PRSS41: variants seen among roughly 807,000 people sequenced by gnomAD.
The protein encoded by PRSS41 is serine protease 41.
PRSS41 carries 37 observed loss-of-function variants against 28.8 expected under a neutral mutation model. The observed-to-expected ratio is 1.29, with a 90% CI of 0.99 to 1.69. PRSS41 has a LOEUF of 1.69. Among genes scored for constraint, PRSS41 ranks in the 40% most tolerant of loss-of-function variants. The probability of loss-of-function intolerance (pLI) is 0.00; values close to 1 mark genes in which losing one functional copy is unlikely to be tolerated. For missense variants in PRSS41, 431 were observed against 400.7 expected (o/e 1.08, Z -0.65); for synonymous variants, 195 against 163.1 (o/e 1.20, Z -1.49).
At chr16:2,803,464 C>T (rs2069002545) in intron 4 of PRSS41, among the ~76,000 whole-genome samples, 1 of 152,146 alleles carries the variant, frequency 6.6e-6, no homozygotes, top group African/African-American at 2.4e-5. Context: ...TCCATTCCTC[C>T]ACTTTATGTT....
intron 4 of PRSS41, among the ~76,000 whole-genome samples, chr16:2,801,899 ACTTCCCAGTAGGGGCGGCCGGGCAGAGGC>A (rs1213024618): frequency 2.9e-4 from 44 of 151,766 alleles, no homozygotes; most frequent in African/African-American, 8.5e-4. Context: ...GGGGCTCCTC[ACTTCCCAGTAGGGGCGGCCGGGCAGAGGC>A]GCCCCTCACC....
chr16:2,799,884 G>A (rs2068975484), intron 4 of PRSS41, among the ~76,000 whole-genome samples: 1 of 152,244 alleles, frequency 6.6e-6, no homozygotes, highest in Admixed American at 6.5e-5. Flanking sequence ...AGAAGCCTCA[G>A]GCAATGATTT....
rs1464477677 is a variant in PRSS41, at chr16:2,804,495, G to A, written c.648G>A (p.Trp216Ter). Residue 216 changes from tryptophan to a stop codon, truncating the protein, a stop_gained, in exon 5 of 6, where the codon TGG becomes TGA. Transcript: ENST00000399677. LOFTEE classifies it high-confidence loss of function. ...AGCCCTCTAGCCGTAGTATGATCTG[G>A]GATTCCATGTTTTGTGCTGGTGCTG... The A allele has an allele frequency of 6.4e-7, 1 of 1,551,456 alleles. No individual in the cohort carries two copies. Among genetic ancestry groups the A allele is most frequent in the South Asian group, 1.2e-5 (1 of 84,028 alleles).
At chr16:2,803,621 C>T (rs2069003226) in intron 4 of PRSS41, among the ~76,000 whole-genome samples, 1 of 152,152 alleles carries the variant, frequency 6.6e-6, no homozygotes, top group African/African-American at 2.4e-5. Flanking sequence ...TTATATTTAC[C>T]TATGTAGTTG....
At chr16:2,799,446 C>T (rs991529231) in exon 4 of PRSS41, 1 of 1,552,110 alleles carries the variant, frequency 6.4e-7, no homozygotes, top group African/African-American at 1.4e-5. Context: ...CCTGCTGAGA[C>T]TGGCCTCTTC....
intron 4 of PRSS41, among the ~76,000 whole-genome samples, chr16:2,799,844 G>A (rs2068975280): frequency 6.6e-6 from 1 of 152,390 alleles, no homozygotes; most frequent in Middle Eastern, 3.4e-3. Flanking sequence ...GCCTGAAGGA[G>A]TGAGGGGGAG....
chr16:2,798,915 C>G (rs1247870349), intron 2 of PRSS41, 44 bp from the exon 3 acceptor site: 1 of 1,480,980 alleles, frequency 6.8e-7, no homozygotes, highest in Admixed American at 2.2e-5. Context: ...CCTGCCCACC[C>G]CACCCCACCC....
At chr16:2,802,754 G>A (rs2068997917) in intron 4 of PRSS41, among the ~76,000 whole-genome samples, 1 of 152,176 alleles carries the variant, frequency 6.6e-6, no homozygotes. Context: ...GCCTGCAATC[G>A]CAGGCACTCG....
chr16:2,799,692 C>A (rs1297739153), intron 4 of PRSS41, 123 bp downstream of exon 4: 2 of 992,146 alleles, frequency 2.0e-6, no homozygotes, highest in East Asian at 2.6e-5. Context: ...ACCTGCGCCC[C>A]TCCTGCTCTC....
exon 5 of PRSS41, chr16:2,804,486 T>C (rs2069007915): frequency 6.4e-7 from 1 of 1,551,614 alleles, no homozygotes; most frequent in Non-Finnish European, 8.7e-7. Context: ...CTAGCCGTAG[T>C]ATGATCTGGG....
intron 2 of PRSS41, 23 bp downstream of exon 2, chr16:2,798,685 T>A: frequency 6.9e-7 from 1 of 1,441,860 alleles, no homozygotes; most frequent in Non-Finnish European, 9.1e-7. Context: ...GGACGCGCGA[T>A]GCCAGCCAGG....
chr16:2,798,570 C>T, intron 1 of PRSS41, 22 bp downstream of exon 1: 3 of 1,531,318 alleles, frequency 2.0e-6, no homozygotes, highest in Non-Finnish European at 2.6e-6. Flanking sequence ...GCGCTACAGG[C>T]GGGACCGGGG....
chr16:2,801,355 T>G (rs1451226656), intron 4 of PRSS41, among the ~76,000 whole-genome samples: 1 of 152,020 alleles, frequency 6.6e-6, no homozygotes, highest in Non-Finnish European at 1.5e-5. Flanking sequence ...TTTAATTTTT[T>G]TTTTATTGAT....
intron 2 of PRSS41, 141 bp from the exon 3 acceptor site, chr16:2,798,818 A>G: frequency 1.7e-6 from 2 of 1,189,732 alleles, no homozygotes; most frequent in Non-Finnish European, 2.2e-6. Flanking sequence ...ACCACGTGGG[A>G]GGGTCCCTAG....
At chr16:2,799,566 G>A (rs1268963662) in exon 4 of PRSS41, 3 of 1,551,330 alleles carry the variant, frequency 1.9e-6, no homozygotes, top group Admixed American at 2.0e-5. Context: ...CAGCCCCAGT[G>A]GCAGTGAGGC....
At chr16:2,798,734 C>T in intron 2 of PRSS41, 72 bp downstream of exon 2, 1 of 1,343,940 alleles carries the variant, frequency 7.4e-7, no homozygotes, top group East Asian at 2.8e-5. Flanking sequence ...ATCTACTGCT[C>T]TCTGTTCCAG....
intron 4 of PRSS41, among the ~76,000 whole-genome samples, chr16:2,801,217 G>A (rs533638364): frequency 1.2e-4 from 19 of 152,108 alleles, no homozygotes; most frequent in African/African-American, 4.3e-4. Flanking sequence ...CACCAATTCT[G>A]TCAATTTTGC....
At chr16:2,801,873 G>T (rs2068988553) in intron 4 of PRSS41, among the ~76,000 whole-genome samples, 1 of 151,988 alleles carries the variant, frequency 6.6e-6, no homozygotes, top group South Asian at 2.1e-4. Context: ...CCCAGACGGG[G>T]TGGTGGCCGG....
chr16:2,804,689 C>A, intron 5 of PRSS41, 143 bp downstream of exon 5: 1 of 918,172 alleles, frequency 1.1e-6, no homozygotes, highest in South Asian at 1.7e-5. Flanking sequence ...ACTGAGCCTA[C>A]AAAATATGCT....
Sources: gnomAD v4.1 joint callset for allele counts (sites outside exome capture counted in the v4.1 genomes callset) on GRCh38, gnomAD v4.1.1 for gene constraint, MANE v1.5 for transcripts, NCBI Gene and HGNC (gene_info 2026-07-23, HGNC 2026-07-21) for gene names.